AGAP1: variants seen among roughly 807,000 people sequenced by gnomAD.
The protein encoded by AGAP1 is ArfGAP with GTPase domain, ankyrin repeat and PH domain 1.
In AGAP1, 29 loss-of-function variants were observed where a neutral mutation model predicts 105.3. The ratio of observed to expected loss-of-function variants is 0.28; its 90% CI spans 0.21 to 0.38. AGAP1 has a LOEUF of 0.38. AGAP1 is among the 10% of genes least tolerant of loss of function. AGAP1 has a pLI of 1.00. For synonymous variants in AGAP1, 509 were observed against 485.9 expected (o/e 1.05, Z -0.63); for missense variants, 998 against 1,165.1 (o/e 0.86, Z 2.09).
chr2:236,006,127 G>A (rs1182957883), intron 13 of AGAP1, among the ~76,000 whole-genome samples: 1 of 150,474 alleles, frequency 6.6e-6, no homozygotes, highest in Non-Finnish European at 1.5e-5. Context: ...TGTATTCTAG[G>A]CTGCTATCCA....
chr2:235,696,138 C>T lies in AGAP1; in HGVS notation c.164-13041C>T, dbSNP rs78262961. On this transcript the variant is annotated intron_variant, in intron 1 of 17. Coordinates refer to ENST00000304032, the MANE Select transcript of AGAP1 (RefSeq NM_001037131.3). ...TCAGCTCACTGCAACCTCCGCCTCT[C>T]GATTTCAAGCGATTCTCCTGCCTCA... Among the ~76,000 whole-genome samples the T allele has an allele frequency of 1.2e-4, 18 of 152,286 alleles. 1 individual carries two copies. In the East Asian group the frequency reaches 2.9e-3, roughly 25 times the overall value.
intron 16 of AGAP1, among the ~76,000 whole-genome samples, chr2:236,097,871 C>T (rs968511591): frequency 3.3e-5 from 5 of 152,132 alleles, no homozygotes; most frequent in Non-Finnish European, 7.4e-5. Flanking sequence ...TATGAAATGA[C>T]GACTCCCGAC....
intron 9 of AGAP1, among the ~76,000 whole-genome samples, chr2:235,831,199 A>C (rs996042423): frequency 7.2e-5 from 11 of 151,882 alleles, no homozygotes; most frequent in Non-Finnish European, 1.5e-4. Flanking sequence ...AAAAAAAAAA[A>C]AAACAGTAAA....
chr2:236,108,610 A>G (rs1290512080), intron 16 of AGAP1, among the ~76,000 whole-genome samples: 2 of 152,106 alleles, frequency 1.3e-5, no homozygotes, highest in African/African-American at 2.4e-5. Flanking sequence ...GCCTTTTCGC[A>G]CTGGAAGAGA....
At chr2:235,774,423 C>A in intron 6 of AGAP1, 1 of 468,550 alleles carries the variant, frequency 2.1e-6, no homozygotes, top group Non-Finnish European at 4.4e-6. Flanking sequence ...TCCCTTCCAT[C>A]ACGGCAGGCA....
At chr2:235,758,690 C>T (rs13415323) in intron 6 of AGAP1, among the ~76,000 whole-genome samples, 21 of 152,138 alleles carry the variant, frequency 1.4e-4, no homozygotes, top group African/African-American at 4.8e-4. Context: ...AAAGTGACCT[C>T]TGTAAGGCTC....
chr2:235,705,947 G>T lies in AGAP1; in HGVS notation c.164-3232G>T, dbSNP rs532064865. Among the ~76,000 whole-genome samples, 1 of 152,304 alleles carries T rather than the reference G, an allele frequency of 6.6e-6. No homozygotes were observed. Reference sequence around the variant, plus strand: ...TGTGTTGAAAAATCAGCAGTGCATTGATGAATAGAGCTCATTTTAATTCAC... The same window carrying T: ...TGTGTTGAAAAATCAGCAGTGCATTTATGAATAGAGCTCATTTTAATTCAC... On this transcript the variant is annotated intron_variant, in intron 1 of 17. Coordinates refer to ENST00000304032, the MANE Select transcript of AGAP1 (RefSeq NM_001037131.3). The surrounding 1 kb of genome is among the most constrained non-coding windows in gnomAD (Gnocchi z 4.9).
chr2:235,602,091 A>G (rs1018274521), intron 1 of AGAP1, among the ~76,000 whole-genome samples: 1 of 152,200 alleles, frequency 6.6e-6, no homozygotes, highest in African/African-American at 2.4e-5. Flanking sequence ...GGCACTGGCA[A>G]ACTGCTGCCA....
In AGAP1 at chr2:235,855,415, G is replaced by T. The variant is rs900350010; in HGVS notation, c.1051-27930G>T. 1.3e-5 allele frequency among the ~76,000 whole-genome samples: 2 copies of T among 152,138 alleles called. No homozygotes were observed. Among genetic ancestry groups the T allele is most frequent in the Non-Finnish European group, 2.9e-5 (2 of 68,018 alleles). ...TGCTATACTACATTTAAAGATAATT[G>T]CTAAAGTTTCTTTAGATGTCCTTAT... On this transcript the variant is annotated intron_variant, in intron 9 of 17. Transcript: ENST00000304032. The surrounding 1 kb of genome is among the most constrained non-coding windows in gnomAD (Gnocchi z 5.0).
At chr2:235,585,503 C>G (rs1423242993) in intron 1 of AGAP1, among the ~76,000 whole-genome samples, 2 of 152,186 alleles carry the variant, frequency 1.3e-5, no homozygotes, top group East Asian at 3.9e-4. Context: ...CACATGCTCT[C>G]AGGTTCCAGG....
At chr2:236,094,648 G>T (rs540144727) in intron 16 of AGAP1, among the ~76,000 whole-genome samples, 1 of 152,212 alleles carries the variant, frequency 6.6e-6, no homozygotes, top group South Asian at 2.1e-4. Context: ...ACTGCGCCCA[G>T]TGAGAGCTGG....
chr2:235,768,708 G>T (rs538318905), intron 6 of AGAP1, among the ~76,000 whole-genome samples: 1 of 152,164 alleles, frequency 6.6e-6, no homozygotes, highest in East Asian at 1.9e-4. Context: ...CACATTCACA[G>T]AACCTACCTG....
At chr2:236,031,230 G>A (rs1169868225) in intron 13 of AGAP1, among the ~76,000 whole-genome samples, 1 of 152,148 alleles carries the variant, frequency 6.6e-6, no homozygotes, top group African/African-American at 2.4e-5. Flanking sequence ...GGAGGGAGGA[G>A]GAAGGAGGAA....
intron 1 of AGAP1, among the ~76,000 whole-genome samples, chr2:235,603,960 GAC>G (rs1206143229): frequency 6.6e-6 from 1 of 152,092 alleles, no homozygotes; most frequent in Non-Finnish European, 1.5e-5. Flanking sequence ...CCATCAAAAT[GAC>G]ACACGGTGAC....
intron 12 of AGAP1, among the ~76,000 whole-genome samples, chr2:235,939,005 G>C (rs1212003728): frequency 6.6e-6 from 1 of 152,196 alleles, no homozygotes; most frequent in African/African-American, 2.4e-5. Flanking sequence ...GCGCAGCCAG[G>C]GTTGAGAAGC....
At chr2:236,019,429 G>A (rs1373966972) in intron 13 of AGAP1, among the ~76,000 whole-genome samples, 1 of 152,224 alleles carries the variant, frequency 6.6e-6, no homozygotes, top group Non-Finnish European at 1.5e-5. Flanking sequence ...AGGTATCATG[G>A]CCTGCGGGAT....
rs1362998996 is a variant in AGAP1, at chr2:235,908,690, G to A, written c.1156-48G>A. On this transcript the variant is annotated intron_variant, in intron 10 of 17. Transcript: ENST00000304032. The surrounding 1 kb of genome is among the most constrained non-coding windows in gnomAD (Gnocchi z 4.4). The stretch of plus-strand genomic sequence containing the variant: ...ACCCTTTTGTTCTAGGTTGTAAAAG[G>A]TCTTTTTTTTTTTTTTATCTCTCTT... 7 of 1,371,420 alleles carry A rather than the reference G, an allele frequency of 5.1e-6. No homozygotes were observed. The highest frequency in any genetic ancestry group is 7.0e-6 in the Non-Finnish European group (7 of 1,007,098). 85.0% of individuals were successfully genotyped at this position (1,371,420 alleles called of 1,614,324 possible). A position where few individuals can be genotyped will look rare whatever the true frequency, so the allele number is the denominator to read the frequency against.
chr2:235,820,523 T>G (rs1305595886), intron 9 of AGAP1, among the ~76,000 whole-genome samples: 1 of 152,232 alleles, frequency 6.6e-6, no homozygotes. Context: ...TTATAAGGAA[T>G]TCTTCAAGAT....
intron 13 of AGAP1, among the ~76,000 whole-genome samples, chr2:236,015,037 T>C (rs1207726194): frequency 6.6e-6 from 1 of 152,210 alleles, no homozygotes; most frequent in African/African-American, 2.4e-5. Context: ...TGTGGTCTTT[T>C]CATCTTTTTG....
Sources: allele counts gnomAD v4.1 joint callset (sites outside exome capture counted in the v4.1 genomes callset), GRCh38; gene constraint gnomAD v4.1.1; non-coding constraint Gnocchi (gnomAD v3.1); transcripts MANE v1.5; gene names NCBI Gene and HGNC (gene_info 2026-07-23, HGNC 2026-07-21).